The following FOXP2 variants were observed in gnomAD, a reference collection of about 807,000 sequenced individuals.
FOXP2 encodes the protein forkhead box P2, also known as forkhead box protein P2.
In FOXP2, 12 loss-of-function variants were observed where a neutral mutation model predicts 115.8. The ratio of observed to expected loss-of-function variants is 0.10; its 90% confidence interval spans 0.07 to 0.17. FOXP2 has a LOEUF of 0.17. Among genes scored for constraint, FOXP2 ranks in the 10% least tolerant of loss-of-function variants. FOXP2 has a pLI of 1.00. For missense variants in FOXP2, 629 were observed against 843.5 expected (o/e 0.75, Z 3.15); for synonymous variants, 328 against 297.7 (o/e 1.10, Z -1.05).
intron 1 of FOXP2, among the ~76,000 whole-genome samples, chr7:114,176,224 GTCTTGTCTTT>G (rs1201114077): frequency 2.6e-4 from 35 of 133,578 alleles, no homozygotes; most frequent in South Asian, 1.1e-3. Flanking sequence ...GTCTTGTCTT[GTCTTGTCTTT>G]TCTTTCTTTC....
At chr7:114,655,812 G>A (rs149108469) in intron 10 of FOXP2, among the ~76,000 whole-genome samples, 181 of 152,182 alleles carry the variant, frequency 1.2e-3, no homozygotes, top group Admixed American at 2.0e-3. Flanking sequence ...AGGTGCAACC[G>A]CACTGTCTAT....
chr7:114,426,829 T>TA (rs1247242252), intron 2 of FOXP2, 150 bp downstream of exon 2: 3 of 853,378 alleles, frequency 3.5e-6, no homozygotes, highest in African/African-American at 3.4e-5. Context: ...GAAGGATGAG[T>TA]AAAGAGATAA....
intron 1 of FOXP2, among the ~76,000 whole-genome samples, chr7:114,247,093 A>C (rs1180410787): frequency 6.6e-6 from 1 of 152,196 alleles, no homozygotes; most frequent in African/African-American, 2.4e-5. Context: ...TGTGTTTTAC[A>C]AAATAATCTC....
chr7:114,167,566 T>C (rs1391240179), intron 1 of FOXP2, among the ~76,000 whole-genome samples: 5 of 152,092 alleles, frequency 3.3e-5, no homozygotes, highest in South Asian at 2.1e-4. Context: ...TGAGAGATAA[T>C]TGAATCATGG....
intron 16 of FOXP2, among the ~76,000 whole-genome samples, chr7:114,680,173 G>GTAAAT (rs1053871216): frequency 1.3e-5 from 2 of 152,104 alleles, no homozygotes; most frequent in African/African-American, 4.8e-5. Context: ...TCTCACAAAT[G>GTAAAT]TAAATTAAAT....
rs1421628233 is a variant in FOXP2, at chr7:114,693,397, A to G, written c.*3471A>G. 4.4e-6 allele frequency: 2 copies of G among 453,656 alleles called. No individual in the cohort carries two copies. Among genetic ancestry groups the G allele is most frequent in the Non-Finnish European group, 4.4e-6 (1 of 226,630 alleles). 28.1% of individuals were successfully genotyped at this position (453,656 alleles called of 1,614,324 possible). ...GTCCCTGGGCAGATTCAGTCGCAAA[A>G]TCCAATATGATATTTTGTAAAGTTT... On this transcript the variant is annotated 3_prime_UTR_variant, in exon 17 of 17. Transcript: ENST00000350908.
chr7:114,391,574 A>G (rs1366131222), intron 2 of FOXP2, among the ~76,000 whole-genome samples: 1 of 152,216 alleles, frequency 6.6e-6, no homozygotes, highest in African/African-American at 2.4e-5. Flanking sequence ...AGAAACTGCC[A>G]TAGTGCCTGG....
In FOXP2 at chr7:114,654,213, T is replaced by C. The variant is rs919185878; in HGVS notation, c.1266+204T>C. The C allele has an allele frequency of 7.2e-6, 9 of 1,256,160 alleles. No homozygotes were observed. In the East Asian group the frequency reaches 1.5e-4, roughly 21 times the overall value. 77.8% of individuals were successfully genotyped at this position (1,256,160 alleles called of 1,614,324 possible). On this transcript the variant is annotated intron_variant, in intron 10 of 16. Coordinates refer to ENST00000350908, the MANE Select transcript of FOXP2 (RefSeq NM_014491.4). ...TACAAAATCTATCCAATCTACACCA[T>C]GGGTGACACTAAACAAAGTACACCT... is the stretch of plus-strand genomic sequence containing the variant.
At chr7:114,292,599 A>G (rs1054020086) in intron 2 of FOXP2, among the ~76,000 whole-genome samples, 1 of 152,062 alleles carries the variant, frequency 6.6e-6, no homozygotes, top group African/African-American at 2.4e-5. Context: ...CCCATTCTTT[A>G]TCTTTTTAAA....
intron 3 of FOXP2, among the ~76,000 whole-genome samples, chr7:114,586,000 TTTGG>T (rs1193316670): frequency 6.6e-6 from 1 of 152,158 alleles, no homozygotes; most frequent in African/African-American, 2.4e-5. Context: ...CAGCTATGTG[TTTGG>T]TTGGGGTGTG....
chr7:114,336,240 C>T (rs1010118381), intron 2 of FOXP2, among the ~76,000 whole-genome samples: 4 of 150,570 alleles, frequency 2.7e-5, no homozygotes, highest in Non-Finnish European at 4.5e-5. Context: ...GAACTTGTCT[C>T]GGGGGGAAAA....
intron 1 of FOXP2, among the ~76,000 whole-genome samples, chr7:114,223,618 T>C (rs948217389): frequency 2.0e-5 from 3 of 149,126 alleles, no homozygotes; most frequent in South Asian, 2.1e-4. Context: ...CGGTTTATGG[T>C]GTATTTTTTC....
chr7:114,387,573 G>A (rs1303843983), intron 2 of FOXP2, among the ~76,000 whole-genome samples: 2 of 152,022 alleles, frequency 1.3e-5, no homozygotes, highest in African/African-American at 2.4e-5. Flanking sequence ...TTTTTACAAC[G>A]TGTCTAACAG....
intron 2 of FOXP2, among the ~76,000 whole-genome samples, chr7:114,347,225 T>C (rs1036487461): frequency 4.6e-5 from 7 of 151,926 alleles, no homozygotes; most frequent in African/African-American, 1.4e-4. Flanking sequence ...AATTATACTT[T>C]TGTTTTCTGG....
intron 1 of FOXP2, among the ~76,000 whole-genome samples, chr7:114,098,235 T>C (rs1055716022): frequency 2.0e-5 from 3 of 152,086 alleles, no homozygotes; most frequent in African/African-American, 7.2e-5. Context: ...TAAAGACATA[T>C]GAACATGAAG....
chr7:114,242,003 T>C (rs1018722305), intron 1 of FOXP2, among the ~76,000 whole-genome samples: 1 of 149,138 alleles, frequency 6.7e-6, no homozygotes, highest in Non-Finnish European at 1.5e-5. Flanking sequence ...GACTTCTGTT[T>C]GCCTCTCCAG....
In FOXP2 at chr7:114,204,934, A is replaced by T. The variant is rs928307519; in HGVS notation, c.-102+41846A>T. 4.7e-5 allele frequency among the ~76,000 whole-genome samples: 7 copies of T among 150,192 alleles called. No homozygotes were observed. In the East Asian group the frequency reaches 1.2e-3, roughly 25 times the overall value. ...GTGTGCCAAAAAAAAAAAAAAAATC[A>T]TTGAAAAGATCTTTTCTTTGGAGTT... is the stretch of plus-strand genomic sequence containing the variant. On this transcript the variant is annotated intron_variant, in intron 1 of 17. Coordinates refer to the FOXP2 transcript ENST00000634411.
chr7:114,293,423 A>G (rs558307409), intron 2 of FOXP2, among the ~76,000 whole-genome samples: 12 of 152,308 alleles, frequency 7.9e-5, no homozygotes, highest in African/African-American at 2.4e-4. Context: ...ACAGCCAGGA[A>G]GGAGCCCACA....
intron 16 of FOXP2, among the ~76,000 whole-genome samples, chr7:114,678,087 T>C (rs1807873506): frequency 6.6e-6 from 1 of 152,188 alleles, no homozygotes; most frequent in Admixed American, 6.5e-5. Flanking sequence ...AAAGACTTCA[T>C]GAAGGATGTA....
Sources: gnomAD v4.1 joint callset for allele counts (sites outside exome capture counted in the v4.1 genomes callset) on GRCh38, gnomAD v4.1.1 for gene constraint, MANE v1.5 for transcripts, NCBI Gene and HGNC (gene_info 2026-07-23, HGNC 2026-07-21) for gene names.